Variants in SIGLEC9 observed in about 807,000 individuals in gnomAD.
SIGLEC9 encodes sialic acid binding Ig like lectin 9, also known as sialic acid-binding Ig-like lectin 9.
SIGLEC9 carries 26 observed loss-of-function variants against 38.3 expected under a neutral mutation model. The observed-to-expected ratio is 0.68, with a 90% confidence interval of 0.50 to 0.94. The LOEUF is 0.94. Ranked by LOEUF, SIGLEC9 falls within the 40% of genes least tolerant of loss-of-function variation. SIGLEC9 has a pLI of 0.00. For synonymous variants in SIGLEC9, 236 were observed against 248.0 expected (o/e 0.95, Z 0.45); for missense variants, 556 against 585.7 (o/e 0.95, Z 0.52).
chr19:51,120,069 G>A (rs2091947705), upstream of SIGLEC9: 1 of 163,526 alleles, frequency 6.1e-6, no homozygotes, highest in South Asian at 1.7e-4. This position sits in a 1 kb window ranked among gnomAD's most constrained non-coding sequence, Gnocchi z 4.1. Flanking sequence ...GTATTACTGG[G>A]CAGGATCCGG....
downstream of SIGLEC9, among the ~76,000 whole-genome samples, chr19:51,133,033 T>C (rs1352089431): frequency 6.6e-6 from 1 of 151,620 alleles, no homozygotes; most frequent in Non-Finnish European, 1.5e-5. Flanking sequence ...TAAATATAAG[T>C]TTATATATAT....
chr19:51,122,661 C>T (rs184982543), upstream of SIGLEC9: 3 of 152,056 alleles, frequency 2.0e-5, no homozygotes, highest in African/African-American at 7.2e-5. This position sits in a 1 kb window ranked among gnomAD's most constrained non-coding sequence, Gnocchi z 4.1. Flanking sequence ...GAGAAACCGA[C>T]CTCTCAGCAC....
In SIGLEC9 at chr19:51,127,246, C is replaced by T. The variant is rs750679598; in HGVS notation, c.965C>T (p.Ala322Val). The T allele has an allele frequency of 6.2e-6, 10 of 1,614,028 alleles. No homozygotes were observed. The highest frequency in any genetic ancestry group is 1.7e-5 in the Admixed American group (1 of 59,996). ...GATGCAGCTGAATTCACCTGCAGAG[C>T]TCAGAACCCTCTCGGCTCTCAGCAG... ...LRDAAEFTCR[A>V]QNPLGSQQVY... The change falls in exon 4 of 7, where the codon GCT becomes GTT. Residue 322 changes from alanine to valine, a missense_variant. Transcript: ENST00000250360.
At position 51,125,669 on chromosome 19, in the gene SIGLEC9, C is replaced by G; in HGVS notation, c.494C>G (p.Ser165Cys). 3 of 1,613,930 alleles carry G rather than the reference C, an allele frequency of 1.9e-6. No individual in the cohort carries two copies. Among genetic ancestry groups the G allele is most frequent in the Non-Finnish European group, 2.5e-6 (3 of 1,180,016 alleles). ...GGCTGCCCCCAGAATCTGACCTGCTCTGTGCCCTGGGCCTGTGAGCAGGGG... is the reference window on the plus strand; with the variant it reads ...GGCTGCCCCCAGAATCTGACCTGCTGTGTGCCCTGGGCCTGTGAGCAGGGG... ...ESGCPQNLTCSVPWACEQGTP... is the reference protein window; with the variant it reads ...ESGCPQNLTCCVPWACEQGTP... The change falls in exon 2 of 7, where the codon TCT becomes TGT. Residue 165 changes from serine to cysteine, a missense_variant. Transcript: ENST00000250360.
downstream of SIGLEC9, among the ~76,000 whole-genome samples, chr19:51,135,223 C>G (rs2092036139): frequency 6.6e-6 from 1 of 152,190 alleles, no homozygotes; most frequent in Admixed American, 6.5e-5. Flanking sequence ...CATTCTTTCA[C>G]TTCTGTGTTT....
At chr19:51,126,262 T>A in intron 3 of SIGLEC9, 134 bp downstream of exon 3, 1 of 873,290 alleles carries the variant, frequency 1.1e-6, no homozygotes. Flanking sequence ...CCCCTCTGTA[T>A]CCTTAGGCCC....
chr19:51,129,377 T>C (rs533725449), intron 6 of SIGLEC9, among the ~76,000 whole-genome samples: 3 of 151,936 alleles, frequency 2.0e-5, no homozygotes, highest in African/African-American at 4.8e-5. Flanking sequence ...GCCAGGATGG[T>C]CTCAGTCTCC....
chr19:51,130,635 G>A (rs2092010116), downstream of SIGLEC9, among the ~76,000 whole-genome samples: 1 of 152,168 alleles, frequency 6.6e-6, no homozygotes, highest in African/African-American at 2.4e-5. Flanking sequence ...TGCCCACCCT[G>A]TGACTGCTAG....
downstream of SIGLEC9, among the ~76,000 whole-genome samples, chr19:51,134,303 C>T (rs981659976): frequency 1.3e-5 from 2 of 151,658 alleles, no homozygotes; most frequent in African/African-American, 2.4e-5. Context: ...GGCCACCATG[C>T]CCAGCTAATT....
chr19:51,124,782 C>T (rs919349057), upstream of SIGLEC9: 5 of 668,834 alleles, frequency 7.5e-6, no homozygotes, highest in African/African-American at 3.6e-5. Flanking sequence ...GGGTGGTGGA[C>T]GGTGGATCTC....
At chr19:51,126,740 T>G (rs977990594) in intron 3 of SIGLEC9, among the ~76,000 whole-genome samples, 5 of 152,250 alleles carry the variant, frequency 3.3e-5, no homozygotes, top group Non-Finnish European at 7.3e-5. Context: ...TACGGCAGGA[T>G]AGAACAATCT....
At chr19:51,124,399 G>A (rs1599814259), upstream of SIGLEC9, among the ~76,000 whole-genome samples, 1 of 152,098 alleles carries the variant, frequency 6.6e-6, no homozygotes, top group African/African-American at 2.4e-5. Flanking sequence ...CAGCTCAGAC[G>A]TCAGGAGCCT....
At chr19:51,133,536 T>C (rs530356675), downstream of SIGLEC9, among the ~76,000 whole-genome samples, 93 of 152,230 alleles carry the variant, frequency 6.1e-4, no homozygotes, top group Admixed American at 1.3e-3. Flanking sequence ...TGAGCCAAGA[T>C]TGTGCCACTG....
chr19:51,128,944 G>C (rs1195190918), intron 6 of SIGLEC9: 3 of 167,960 alleles, frequency 1.8e-5, no homozygotes, highest in Non-Finnish European at 3.8e-5. Context: ...TCTCATTGCA[G>C]CTCCTCAAAT....
upstream of SIGLEC9, chr19:51,120,489 C>T (rs927910874): frequency 1.3e-5 from 2 of 152,308 alleles, no homozygotes; most frequent in Admixed American, 1.3e-4. This position sits in a 1 kb window ranked among gnomAD's most constrained non-coding sequence, Gnocchi z 4.1. Context: ...GACCCAGCCA[C>T]CTGAGATCCA....
rs151265101 is a variant in SIGLEC9, at chr19:51,125,216, G to A, written c.242G>A (p.Arg81Gln). 8 of 1,613,974 alleles carry A rather than the reference G, an allele frequency of 5.0e-6. No homozygotes were observed. The highest frequency in any genetic ancestry group is 2.2e-5 in the East Asian group (1 of 44,896). The change falls in exon 1 of 7, where the codon CGG becomes CAG. Residue 81 changes from arginine (R) to glutamine (Q), a missense_variant. Arg to Gln is a conservative substitution (Grantham distance 43). Coordinates refer to ENST00000250360, the MANE Select transcript of SIGLEC9 (RefSeq NM_014441.3). ...DAPVATNNPA[R>Q]AVWEETRDRF... is the part of the protein sequence containing the mutation. ...CCAGTGGCCACAAACAACCCAGCTC[G>A]GGCAGTGTGGGAGGAGACTCGGGAC...
At chr19:51,123,037 G>A (rs936008372), upstream of SIGLEC9, 9 of 152,458 alleles carry the variant, frequency 5.9e-5, no homozygotes, top group African/African-American at 1.9e-4. Flanking sequence ...GTGGAGGCCT[G>A]GGAACAGAAT....
Position 51,130,281 on chromosome 19 carries a change from T to A in SIGLEC9, c.*202T>A. 1 of 1,066,100 alleles carries A rather than the reference T, an allele frequency of 9.4e-7. No individual in the cohort carries two copies. The highest frequency in any genetic ancestry group is 1.2e-6 in the Non-Finnish European group (1 of 819,308). 66.0% of individuals were successfully genotyped at this position (1,066,100 alleles called of 1,614,324 possible). On this transcript the variant is annotated 3_prime_UTR_variant, in exon 7 of 7. Transcript: ENST00000250360. ...ATCCACACTGTGCCCTCCCTTTTAT[T>A]TTTTTAACTAAAAGACAGACAAATT...
In SIGLEC9 at chr19:51,129,938, T is replaced by C; in HGVS notation, c.1251T>C (p.Pro417=). 3 of 1,612,212 alleles carry C rather than the reference T, an allele frequency of 1.9e-6. No homozygotes were observed. Among genetic ancestry groups the C allele is most frequent in the Non-Finnish European group, 2.5e-6 (3 of 1,179,170 alleles). Residue 417 remains proline (P), a synonymous_variant, in exon 7 of 7, where the codon CCT becomes CCC. Transcript: ENST00000250360. ...CAGAAGACAGTCCCCCAGACCAGCC[T>C]CCCCCAGCTTCTGCCCGCTCCTCAG... ...PWAEDSPPDQ[P]PPASARSSVG...
Sources: allele counts gnomAD v4.1 joint callset (sites outside exome capture counted in the v4.1 genomes callset), GRCh38; gene constraint gnomAD v4.1.1; non-coding constraint Gnocchi (gnomAD v3.1); transcripts MANE v1.5; gene names NCBI Gene and HGNC (gene_info 2026-07-23, HGNC 2026-07-21).